FBXO15: variants seen among roughly 807,000 people sequenced by gnomAD.
FBXO15 encodes the protein F-box only protein 15.
FBXO15 carries 30 observed loss-of-function variants against 49.5 expected under a neutral mutation model. The observed-to-expected ratio is 0.61, with a 90% CI of 0.45 to 0.82. The LOEUF is 0.82. Among genes scored for constraint, FBXO15 ranks in the 40% least tolerant of loss-of-function variants. The pLI, the probability that FBXO15 is intolerant of heterozygous loss-of-function variation, is 0.00. For missense variants in FBXO15, 591 were observed against 631.5 expected (o/e 0.94, Z 0.69); for synonymous variants, 250 against 232.7 (o/e 1.07, Z -0.68).
Position 74,074,779 on chromosome 18 carries a change from G to T in FBXO15, c.1264-1049C>A, listed in dbSNP as rs368111602. 1.3e-5 allele frequency among the ~76,000 whole-genome samples: 2 copies of T among 152,314 alleles called. No homozygotes were observed. Among genetic ancestry groups the T allele is most frequent in the South Asian group, 4.1e-4 (2 of 4,828 alleles). ...CATGAACGCTGCTTTCATTGCACAT[G>T]AATGTGTGGTCTGTATATGCCCATA... On this transcript the variant is annotated intron_variant, in intron 9 of 9. Transcript: ENST00000419743. The surrounding 1 kb of genome is among the most constrained non-coding windows in gnomAD (Gnocchi z 4.7).
intron 1 of FBXO15, among the ~76,000 whole-genome samples, chr18:74,143,723 G>T (rs891038622): frequency 6.6e-6 from 1 of 152,152 alleles, no homozygotes; most frequent in Admixed American, 6.5e-5. Context: ...TTAGAAACAG[G>T]TCCCTGATGG....
intron 8 of FBXO15, among the ~76,000 whole-genome samples, chr18:74,085,256 A>G (rs997310185): frequency 6.6e-6 from 1 of 152,076 alleles, no homozygotes; most frequent in African/African-American, 2.4e-5. Context: ...TTCAAGACTT[A>G]CTATAGAGCT....
intron 1 of FBXO15, chr18:74,147,020 G>A (rs116827943): frequency 6.6e-6 from 1 of 152,180 alleles, no homozygotes; most frequent in Non-Finnish European, 1.5e-5. Context: ...TAATGAGAGG[G>A]ATTTCATAAG....
At chr18:74,147,301 G>A (rs3813118) in intron 1 of FBXO15, among the ~76,000 whole-genome samples, 12,476 of 152,122 alleles carry the variant, frequency 0.082, 913 homozygotes, top group African/African-American at 0.19. Flanking sequence ...CACGAAGGGA[G>A]ATTCTTGGTT....
At chr18:74,122,431 C>T (rs1180250487) in intron 8 of FBXO15, among the ~76,000 whole-genome samples, 1 of 152,108 alleles carries the variant, frequency 6.6e-6, no homozygotes, top group Non-Finnish European at 1.5e-5. Flanking sequence ...AGAAGTTCAC[C>T]CAGGTGATAA....
intron 1 of FBXO15, 176 bp downstream of exon 1, chr18:74,147,494 C>T: frequency 8.1e-7 from 1 of 1,234,464 alleles, no homozygotes; most frequent in Non-Finnish European, 1.0e-6. Context: ...CTTAGGGTAC[C>T]CCACGTTGCA....
At chr18:74,114,023 A>G (rs1301765458) in intron 8 of FBXO15, among the ~76,000 whole-genome samples, 1 of 152,186 alleles carries the variant, frequency 6.6e-6, no homozygotes, top group Non-Finnish European at 1.5e-5. Flanking sequence ...GATGTGGTCT[A>G]GGCATTTGGA....
At chr18:74,093,451 G>T (rs1405421785) in intron 8 of FBXO15, among the ~76,000 whole-genome samples, 2 of 152,162 alleles carry the variant, frequency 1.3e-5, no homozygotes, top group African/African-American at 4.8e-5. Flanking sequence ...GGCTTCCAAG[G>T]CAGCACTGCA....
At chr18:74,147,078 T>A (rs540730871) in intron 1 of FBXO15, 1 of 152,344 alleles carries the variant, frequency 6.6e-6, no homozygotes, top group South Asian at 2.1e-4. Context: ...TCATTTTACT[T>A]CTTCACGCTG....
chr18:74,107,978 G>A (rs1190123440), intron 8 of FBXO15, among the ~76,000 whole-genome samples: 1 of 152,174 alleles, frequency 6.6e-6, no homozygotes, highest in African/African-American at 2.4e-5. Context: ...GGACTGAGAA[G>A]CGCCTGTGAA....
intron 8 of FBXO15, among the ~76,000 whole-genome samples, chr18:74,087,289 G>A (rs918336708): frequency 6.6e-6 from 1 of 152,016 alleles, no homozygotes; most frequent in Non-Finnish European, 1.5e-5. Context: ...TTGTTATATA[G>A]GTAAACCGCA....
At position 74,130,434 on chromosome 18, in the gene FBXO15, T is replaced by G; in HGVS notation, c.557A>C (p.Lys186Thr). ...PVNPYTGLPV[K>T]TKEALRIFGL... Reference sequence around the variant, plus strand: ...TGCGTACCTGAGGGCCTCTTTGGTCTTAACTGGAAGGCCTGTGTAAGGGTT... The same window carrying G: ...TGCGTACCTGAGGGCCTCTTTGGTCGTAACTGGAAGGCCTGTGTAAGGGTT... The change falls in exon 4 of 10, where the codon AAG (lysine) becomes ACG (threonine). Residue 186 changes from lysine (K) to threonine (T), a missense_variant. Physicochemically the swap from Lys to Thr is moderately conservative, Grantham distance 78. Coordinates refer to ENST00000419743, the MANE Select transcript of FBXO15 (RefSeq NM_001142958.2). 31 of 1,614,194 alleles carry G rather than the reference T, an allele frequency of 1.9e-5. No individual in the cohort carries two copies. Among genetic ancestry groups the G allele is most frequent in the Non-Finnish European group, 2.6e-5 (31 of 1,180,018 alleles).
At chr18:74,089,848 T>A (rs898810746) in intron 8 of FBXO15, among the ~76,000 whole-genome samples, 2 of 152,180 alleles carry the variant, frequency 1.3e-5, no homozygotes, top group African/African-American at 4.8e-5. Context: ...TTGGCATCTA[T>A]GTTCATCAAG....
intron 1 of FBXO15, among the ~76,000 whole-genome samples, chr18:74,141,183 A>G (rs1307092013): frequency 2.6e-5 from 4 of 152,362 alleles, no homozygotes; most frequent in African/African-American, 9.6e-5. Flanking sequence ...TTCCTAAAGT[A>G]AATTTTATTA....
intron 8 of FBXO15, among the ~76,000 whole-genome samples, chr18:74,110,819 C>A (rs1913991421): frequency 6.6e-6 from 1 of 152,076 alleles, no homozygotes; most frequent in African/African-American, 2.4e-5. Context: ...AAAAAGGGGC[C>A]ATCACATACT....
At chr18:74,104,101 T>C (rs992783878) in intron 8 of FBXO15, among the ~76,000 whole-genome samples, 1 of 152,122 alleles carries the variant, frequency 6.6e-6, no homozygotes, top group Admixed American at 6.6e-5. Context: ...ATATGTAAAC[T>C]GAGACAACTA....
chr18:74,091,109 T>C (rs926708304), intron 8 of FBXO15, among the ~76,000 whole-genome samples: 3 of 152,206 alleles, frequency 2.0e-5, no homozygotes, highest in Non-Finnish European at 2.9e-5. Context: ...GGAGAGTTAG[T>C]TCTTCGTGTT....
chr18:74,133,729 G>A (rs1180950170), intron 3 of FBXO15, among the ~76,000 whole-genome samples: 5 of 152,174 alleles, frequency 3.3e-5, no homozygotes, highest in African/African-American at 7.2e-5. Context: ...GCTTCTACAC[G>A]TGGCAGAAAA....
chr18:74,129,794 T>A (rs1203258228), intron 4 of FBXO15, among the ~76,000 whole-genome samples, 180 bp from the exon 5 acceptor site: 1 of 152,208 alleles, frequency 6.6e-6, no homozygotes, highest in Non-Finnish European at 1.5e-5. Context: ...CTTTTTCTCC[T>A]CACCTAACAC....
Sources: allele counts gnomAD v4.1 joint callset (sites outside exome capture counted in the v4.1 genomes callset), GRCh38; gene constraint gnomAD v4.1.1; non-coding constraint Gnocchi (gnomAD v3.1); transcripts MANE v1.5; gene names NCBI Gene and HGNC (gene_info 2026-07-23, HGNC 2026-07-21).